Variants in RGS7 observed in about 807,000 individuals in gnomAD.
The protein encoded by RGS7 is regulator of G protein signaling 7.
RGS7 carries 27 observed loss-of-function variants against 81.1 expected under a neutral mutation model. The ratio of observed to expected loss-of-function variants is 0.33; its 90% CI spans 0.25 to 0.46. RGS7 has a LOEUF of 0.46. RGS7 is among the 20% of genes least tolerant of loss of function. RGS7 has a pLI of 1.00. For synonymous variants in RGS7, 208 were observed against 207.7 expected (o/e 1.00, Z -0.01); for missense variants, 396 against 607.4 (o/e 0.65, Z 3.66).
intron 3 of RGS7, among the ~76,000 whole-genome samples, chr1:241,075,323 T>C (rs549776827): frequency 2.6e-5 from 4 of 152,250 alleles, no homozygotes; most frequent in South Asian, 2.1e-4. Flanking sequence ...TAAGAAGAAA[T>C]AGGTCGAGCA....
chr1:241,046,217 T>C lies in RGS7; in HGVS notation c.175+52449A>G, dbSNP rs577505951. Among the ~76,000 whole-genome samples, 6 of 152,276 alleles carry C rather than the reference T, an allele frequency of 3.9e-5. No homozygotes were observed. In the East Asian group the frequency reaches 7.7e-4, roughly 20 times the overall value. On this transcript the variant is annotated intron_variant, in intron 3 of 18. Coordinates refer to ENST00000440928, the MANE Select transcript of RGS7 (RefSeq NM_001364886.1). ...TGTGCAGGTTTGTTACGTGGGTATA[T>C]TGCATAACACTGAGGTTTGGGGTAC...
chr1:241,107,863 A>T (rs1354253554), intron 2 of RGS7, among the ~76,000 whole-genome samples: 1 of 152,242 alleles, frequency 6.6e-6, no homozygotes, highest in Non-Finnish European at 1.5e-5. Context: ...TGCTGGGCAG[A>T]GAAACTAAAG....
intron 2 of RGS7, among the ~76,000 whole-genome samples, chr1:241,244,660 T>C (rs1423326455): frequency 1.3e-5 from 2 of 152,104 alleles, no homozygotes; most frequent in African/African-American, 4.8e-5. Context: ...CGCACACATA[T>C]GTTTATTGTG....
chr1:240,942,662 C>T (rs1373779683), intron 4 of RGS7, among the ~76,000 whole-genome samples: 1 of 151,950 alleles, frequency 6.6e-6, no homozygotes, highest in Non-Finnish European at 1.5e-5. Context: ...AACAGAGATG[C>T]TAAAATGAAG....
chr1:241,300,249 A>AT (rs1449214162), intron 2 of RGS7, among the ~76,000 whole-genome samples: 3 of 152,198 alleles, frequency 2.0e-5, no homozygotes, highest in Admixed American at 6.5e-5. Flanking sequence ...TGGTACATTT[A>AT]TTACAATCAA....
At chr1:241,229,379 C>T (rs2075514800) in intron 2 of RGS7, among the ~76,000 whole-genome samples, 1 of 152,268 alleles carries the variant, frequency 6.6e-6, no homozygotes, top group South Asian at 2.1e-4. Flanking sequence ...CTTCTCTGAC[C>T]TTTGAATTCT....
chr1:240,974,143 A>C (rs1451694566), intron 4 of RGS7, among the ~76,000 whole-genome samples: 1 of 152,160 alleles, frequency 6.6e-6, no homozygotes, highest in Non-Finnish European at 1.5e-5. Flanking sequence ...CAGTTGTTTG[A>C]TGGTGTGTAA....
intron 6 of RGS7, among the ~76,000 whole-genome samples, chr1:240,895,446 C>T (rs1206108356): frequency 1.3e-5 from 2 of 151,904 alleles, no homozygotes; most frequent in African/African-American, 4.8e-5. Flanking sequence ...CCCTCCTCCA[C>T]CCCATGACAG....
At chr1:241,335,287 T>G (rs1356519187) in intron 2 of RGS7, among the ~76,000 whole-genome samples, 1 of 152,180 alleles carries the variant, frequency 6.6e-6, no homozygotes, top group Non-Finnish European at 1.5e-5. Context: ...ATTCAACAGA[T>G]TGTCCAAATC....
chr1:241,180,096 C>A (rs544813659), intron 2 of RGS7, among the ~76,000 whole-genome samples: 1 of 151,878 alleles, frequency 6.6e-6, no homozygotes, highest in Non-Finnish European at 1.5e-5. Context: ...GAAAGTGGGC[C>A]GGGCGCGGTG....
intron 6 of RGS7, among the ~76,000 whole-genome samples, chr1:240,908,487 G>C (rs190857977): frequency 1.3e-4 from 20 of 152,228 alleles, no homozygotes; most frequent in East Asian, 9.7e-4. Context: ...ATGAATGAAT[G>C]AATCAATCAA....
intron 3 of RGS7, among the ~76,000 whole-genome samples, chr1:241,085,743 C>T (rs1273187683): frequency 6.6e-6 from 1 of 152,098 alleles, no homozygotes; most frequent in African/African-American, 2.4e-5. Context: ...CTCCCTCATA[C>T]TTTCTTATGC....
chr1:240,877,617 C>T (rs1665663139), intron 6 of RGS7, among the ~76,000 whole-genome samples: 3 of 152,022 alleles, frequency 2.0e-5, no homozygotes, highest in Non-Finnish European at 2.9e-5. Context: ...TAATCCAGTG[C>T]TGAGATGTAA....
chr1:241,328,227 T>C (rs943580169), intron 2 of RGS7, among the ~76,000 whole-genome samples: 1 of 152,220 alleles, frequency 6.6e-6, no homozygotes, highest in Non-Finnish European at 1.5e-5. Flanking sequence ...TGGTAAGGGA[T>C]TGTATTTGGA....
At chr1:241,197,921 TTA>T (rs2073198735) in intron 2 of RGS7, among the ~76,000 whole-genome samples, 1 of 145,718 alleles carries the variant, frequency 6.9e-6, no homozygotes, top group African/African-American at 2.5e-5. Context: ...AATGCATAAT[TTA>T]CCAAAATTAA....
At chr1:240,829,842 G>C (rs1693518039) in intron 9 of RGS7, among the ~76,000 whole-genome samples, 1 of 152,040 alleles carries the variant, frequency 6.6e-6, no homozygotes, top group African/African-American at 2.4e-5. Flanking sequence ...AGTATGATAA[G>C]ATGTGTCATA....
chr1:241,264,677 G>A (rs889650583), intron 2 of RGS7, among the ~76,000 whole-genome samples: 1 of 152,206 alleles, frequency 6.6e-6, no homozygotes, highest in African/African-American at 2.4e-5. Context: ...TCTCCAGTAA[G>A]CTACATGATC....
chr1:241,003,388 G>C (rs2058515904), intron 3 of RGS7, among the ~76,000 whole-genome samples: 1 of 150,780 alleles, frequency 6.6e-6, no homozygotes, highest in African/African-American at 2.4e-5. Context: ...GTGAACCCAG[G>C]AGGCAGAGCT....
chr1:240,969,603 T>C (rs891070873), intron 4 of RGS7, among the ~76,000 whole-genome samples: 53 of 152,344 alleles, frequency 3.5e-4, no homozygotes, highest in African/African-American at 1.3e-3. Flanking sequence ...CTGACAACTC[T>C]AATAAACAAT....
Sources: allele counts gnomAD v4.1 joint callset (sites outside exome capture counted in the v4.1 genomes callset), GRCh38; gene constraint gnomAD v4.1.1; transcripts MANE v1.5; gene names NCBI Gene and HGNC (gene_info 2026-07-23, HGNC 2026-07-21).